ZNF805: variants seen among roughly 807,000 people sequenced by gnomAD.
ZNF805 encodes zinc finger protein 805.
A neutral mutation model predicts 13.6 loss-of-function variants in ZNF805; 7 were observed. The ratio of observed to expected loss-of-function variants is 0.51; its 90% CI spans 0.29 to 0.97. The LOEUF is 0.97. Ranked by LOEUF, ZNF805 falls within the 50% of genes least tolerant of loss-of-function variation. The pLI is 0.08. For missense variants in ZNF805, 604 were observed against 771.0 expected, an observed-to-expected ratio of 0.78 and a Z score of 2.57; for synonymous variants, 293 against 279.8, an observed-to-expected ratio of 1.05 and a Z score of -0.47.
chr19:57,245,762 G>C (rs986392392), intron 2 of ZNF805, among the ~76,000 whole-genome samples: 10 of 151,042 alleles, frequency 6.6e-5, no homozygotes, highest in Admixed American at 2.6e-4. Context: ...CTGGGCGACA[G>C]AGCGAGACTC....
At position 57,256,716 on chromosome 19, in the gene ZNF805, CAT is replaced by C. The variant is rs1189209581; in HGVS notation, c.*2016_*2017del. Among the ~76,000 whole-genome samples, 1 of 152,076 alleles carries C rather than the reference CAT, an allele frequency of 6.6e-6. No homozygotes were observed. Among genetic ancestry groups the C allele is most frequent in the Non-Finnish European group, 1.5e-5 (1 of 67,988 alleles). On this transcript the variant is annotated 3_prime_UTR_variant, in exon 4 of 4. Transcript: ENST00000414468. ...ACTTATTATTGTCAGTCTTTGTAGA[CAT>C]ATGTCAATTTCATTGATCATTTCAA...
At position 57,253,320 on chromosome 19, in the gene ZNF805, G is replaced by A; in HGVS notation, c.501G>A (p.Val167=). Residue 167 remains valine (V), a synonymous_variant, in exon 4 of 4, where the codon GTG becomes GTA. Coordinates refer to ENST00000414468, the MANE Select transcript of ZNF805 (RefSeq NM_001023563.4). The surrounding 1 kb of genome is among the most constrained non-coding windows in gnomAD (Gnocchi z 4.4). The part of the protein sequence containing the change: ...KHDGLGTADS[V]CSRIIQDRVS... ...ATGGTTTAGGGACAGCTGATAGTGT[G>A]TGTTCAAGGATTATACAGGATCGAG... is the stretch of plus-strand genomic sequence containing the variant. The A allele has an allele frequency of 6.3e-7, 1 of 1,575,614 alleles. No homozygotes were observed. The highest frequency in any genetic ancestry group is 8.6e-7 in the Non-Finnish European group (1 of 1,159,392).
chr19:57,254,828 T>G lies in ZNF805; in HGVS notation c.*125T>G, dbSNP rs2087677695. ...AAACACCCAGTGGTTATTACGCACT[T>G]GGGAAAACCTTTAGCTCCATCTTTC... On this transcript the variant is annotated 3_prime_UTR_variant, in exon 4 of 4. Transcript: ENST00000414468. 2 of 981,806 alleles carry G rather than the reference T, an allele frequency of 2.0e-6. No individual in the cohort carries two copies. Among genetic ancestry groups the G allele is most frequent in the Non-Finnish European group, 1.5e-6 (1 of 671,662 alleles). The allele number at this position is 981,806 out of a possible 1,614,324, so 60.8% of individuals were successfully genotyped here.
In ZNF805 at chr19:57,253,675, C is replaced by G; in HGVS notation, c.856C>G (p.Pro286Ala). The change falls in exon 4 of 4, where the codon CCT (proline) becomes GCT (alanine). Residue 286 changes from proline to alanine, a missense_variant. Physicochemically the swap from Pro to Ala is conservative, Grantham distance 27. Transcript: ENST00000414468. The surrounding 1 kb of genome is among the most constrained non-coding windows in gnomAD (Gnocchi z 4.4). ...QHQRIHSGEK[P>A]YKCSECGKAF... ...CCAGCGGATTCACAGTGGAGAGAAG[C>G]CTTATAAGTGCAGTGAATGTGGAAA... 6.2e-7 allele frequency: 1 copy of G among 1,613,894 alleles called. No individual in the cohort carries two copies. Among genetic ancestry groups the G allele is most frequent in the Non-Finnish European group, 8.5e-7 (1 of 1,179,976 alleles).
chr19:57,253,573 G>A lies in ZNF805; in HGVS notation c.754G>A (p.Val252Ile), dbSNP rs1248505824. The A allele has an allele frequency of 3.1e-6, 5 of 1,613,898 alleles. No individual in the cohort carries two copies. The highest frequency in any genetic ancestry group is 1.1e-5 in the South Asian group (1 of 91,084). ...KSTYLLQHHM[V>I]HTGEKPYKCM... ...TACATACCTCCTGCAGCACCACATG[G>A]TCCACACTGGGGAGAAGCCCTATAA... Residue 252 changes from valine (V) to isoleucine (I), a missense_variant, in exon 4 of 4, where the codon GTC (valine) becomes ATC (isoleucine). Around this residue, in one of 3 missense-constraint regions of ZNF805, gnomAD observed 327 missense variants for 378.2 expected, o/e 0.86. Transcript: ENST00000414468. The surrounding 1 kb of genome is among the most constrained non-coding windows in gnomAD (Gnocchi z 4.4).
In ZNF805 at chr19:57,244,250, C is replaced by G. The variant is rs8109882; in HGVS notation, c.157+201C>G. ...AGGGAGTCTTACTCTGTCACCCAGGCTGGATGCATTAGCACGAACTCGGGT... is the reference window on the plus strand; with the variant it reads ...AGGGAGTCTTACTCTGTCACCCAGGGTGGATGCATTAGCACGAACTCGGGT... On this transcript the variant is annotated intron_variant, in intron 2 of 3. Transcript: ENST00000414468. 0.47 allele frequency among the ~76,000 whole-genome samples: 65,412 copies of G among 138,594 alleles called. 15,781 individuals carry two copies. Among genetic ancestry groups the G allele is most frequent in the Non-Finnish European group, 0.53 (34,907 of 66,036 alleles). The allele number at this position is 138,594 out of a possible 152,430, so 90.9% of individuals were successfully genotyped here. A position where few individuals can be genotyped will look rare whatever the true frequency, so the allele number is the denominator to read the frequency against.
chr19:57,254,257 G>A lies in ZNF805; in HGVS notation c.1438G>A (p.Glu480Lys), dbSNP rs2087672191. The change falls in exon 4 of 4, where the codon GAG becomes AAG. Residue 480 changes from glutamate to lysine, a missense_variant. Around this residue, in one of 3 missense-constraint regions of ZNF805, gnomAD observed 228 missense variants for 352.8 expected, o/e 0.65. Transcript: ENST00000414468. ...TCGCCACTTCAGCATCCACACTGGA[G>A]AGAAGCCCTATGAGTGCATGGAGTG... ...LIRHFSIHTG[E>K]KPYECMECGK... 6.2e-7 allele frequency: 1 copy of A among 1,614,044 alleles called. No individual in the cohort carries two copies.
intron 2 of ZNF805, among the ~76,000 whole-genome samples, chr19:57,246,774 CAAAAAAAAA>C (rs1168593434): frequency 1.3e-4 from 11 of 86,250 alleles, no homozygotes; most frequent in Admixed American, 1.2e-4. Flanking sequence ...GACTTCGTCT[CAAAAAAAAA>C]AAAAAAAAAA....
In ZNF805 at chr19:57,259,362, C is replaced by A. The variant is rs1161672368; in HGVS notation, c.*4659C>A. ...TTCTGGTCTATTTTTCCCTTTTTTT[C>A]ATATTGGTTAATTTCTGTTGACTTT... On this transcript the variant is annotated 3_prime_UTR_variant, in exon 4 of 4. Coordinates refer to ENST00000414468, the MANE Select transcript of ZNF805 (RefSeq NM_001023563.4). Among the ~76,000 whole-genome samples the A allele has an allele frequency of 6.6e-6, 1 of 151,644 alleles. No individual in the cohort carries two copies. Among genetic ancestry groups the A allele is most frequent in the Non-Finnish European group, 1.5e-5 (1 of 67,908 alleles).
chr19:57,253,910 C>T lies in ZNF805; in HGVS notation c.1091C>T (p.Thr364Ile), dbSNP rs750573776. The change falls in exon 4 of 4, where the codon ACT becomes ATT. Residue 364 changes from threonine to isoleucine, a missense_variant. Transcript: ENST00000414468. This position sits in a 1 kb window ranked among gnomAD's most constrained non-coding sequence, Gnocchi z 4.4. ...TCATACCTCATGTGGCACCAGCAGA[C>T]TCATACCGGGGAGAAGCCCTATGAG... ...HRSYLMWHQQTHTGEKPYECS... is the reference protein window; with the variant it reads ...HRSYLMWHQQIHTGEKPYECS... 8.7e-6 allele frequency: 14 copies of T among 1,613,806 alleles called. No individual in the cohort carries two copies. Among genetic ancestry groups the T allele is most frequent in the Admixed American group, 3.3e-5 (2 of 59,984 alleles).
At chr19:57,244,144 C>G (rs1273498122) in intron 2 of ZNF805, 95 bp downstream of exon 2, 3 of 1,449,816 alleles carry the variant, frequency 2.1e-6, no homozygotes, top group Admixed American at 2.5e-5. Flanking sequence ...TCCTCTCTTA[C>G]TGGCCTTGCC....
chr19:57,254,683 C>A lies in ZNF805; in HGVS notation c.1864C>A (p.Pro622Thr), dbSNP rs1188041533. 1.2e-6 allele frequency: 2 copies of A among 1,610,764 alleles called. No homozygotes were observed. Among genetic ancestry groups the A allele is most frequent in the African/African-American group, 1.3e-5 (1 of 74,696 alleles). The change falls in exon 4 of 4, where the codon CCA becomes ACA. Residue 622 changes from proline (P) to threonine (T), a missense_variant. Transcript: ENST00000414468. ...ASDRTYQRET[P>T]QVSSL ...TGATCGTACATACCAAAGAGAAACC[C>A]CACAAGTGTCTTCACTGTGAGAAAA...
In ZNF805 at chr19:57,255,451, A is replaced by T. The variant is rs1222167108; in HGVS notation, c.*748A>T. ...TTAAATCTATAGATCAATGTGTTGGAAATTGGCATCTTAGTCTTCCAATTC... is the reference window on the plus strand; with the variant it reads ...TTAAATCTATAGATCAATGTGTTGGTAATTGGCATCTTAGTCTTCCAATTC... On this transcript the variant is annotated 3_prime_UTR_variant, in exon 4 of 4. Transcript: ENST00000414468. Among the ~76,000 whole-genome samples the T allele has an allele frequency of 2.6e-5, 4 of 152,144 alleles. No homozygotes were observed. Among genetic ancestry groups the T allele is most frequent in the Non-Finnish European group, 5.9e-5 (4 of 67,998 alleles).
Position 57,256,803 on chromosome 19 carries a change from T to C in ZNF805, c.*2100T>C, listed in dbSNP as rs912957528. ...GTCTCTGTTCTTAATTTCACTGATA[T>C]CTGCTCTGATGTGTATTGTATCCTT... is the stretch of plus-strand genomic sequence containing the variant. On this transcript the variant is annotated 3_prime_UTR_variant, in exon 4 of 4. Coordinates refer to ENST00000414468, the MANE Select transcript of ZNF805 (RefSeq NM_001023563.4). 7.2e-5 allele frequency among the ~76,000 whole-genome samples: 11 copies of C among 152,298 alleles called. No individual in the cohort carries two copies. The highest frequency in any genetic ancestry group is 3.9e-4 in the East Asian group (2 of 5,184).
rs888182199 is a variant in ZNF805, at chr19:57,257,795, C to T, written c.*3092C>T. The stretch of plus-strand genomic sequence containing the variant: ...GATCTCCGCTCACTGCAACCTCCGC[C>T]TCCTGGGTTCAAGTGATTCTCCTGC... On this transcript the variant is annotated 3_prime_UTR_variant, in exon 4 of 4. Coordinates refer to ENST00000414468, the MANE Select transcript of ZNF805 (RefSeq NM_001023563.4). Among the ~76,000 whole-genome samples the T allele has an allele frequency of 2.7e-5, 4 of 147,190 alleles. No individual in the cohort carries two copies. The highest frequency in any genetic ancestry group is 5.0e-5 in the African/African-American group (2 of 39,708).
chr19:57,241,004 C>T (rs2122822024), intron 1 of ZNF805, 83 bp downstream of exon 1: 1 of 1,423,608 alleles, frequency 7.0e-7, no homozygotes. Flanking sequence ...AAGACAGCCA[C>T]AGGATTCCTC....
chr19:57,256,720 T>A lies in ZNF805; in HGVS notation c.*2017T>A, dbSNP rs2087689434. 6.6e-6 allele frequency among the ~76,000 whole-genome samples: 1 copy of A among 152,156 alleles called. No individual in the cohort carries two copies. The highest frequency in any genetic ancestry group is 1.5e-5 in the Non-Finnish European group (1 of 67,996). The stretch of plus-strand genomic sequence containing the variant: ...ATTATTGTCAGTCTTTGTAGACATA[T>A]GTCAATTTCATTGATCATTTCAAAG... On this transcript the variant is annotated 3_prime_UTR_variant, in exon 4 of 4. Coordinates refer to ENST00000414468, the MANE Select transcript of ZNF805 (RefSeq NM_001023563.4).
intron 2 of ZNF805, among the ~76,000 whole-genome samples, 158 bp downstream of exon 2, chr19:57,244,207 T>TC (rs1196752637): frequency 6.8e-6 from 1 of 146,586 alleles, no homozygotes; most frequent in Admixed American, 6.8e-5. Flanking sequence ...TCCTTTTTTT[T>TC]TTTTTTTTTT....
chr19:57,254,481 C>T lies in ZNF805; in HGVS notation c.1662C>T (p.Leu554=), dbSNP rs1483221240. The T allele has an allele frequency of 1.2e-6, 2 of 1,614,208 alleles. No homozygotes were observed. Among genetic ancestry groups the T allele is most frequent in the Non-Finnish European group, 1.7e-6 (2 of 1,180,024 alleles). ...CGKAFSRSSS[L]TQHQRMHTGR... is the part of the protein sequence containing the mutation. ...AGGCCTTCAGTCGCAGCTCGTCCCT[C>T]ACTCAGCATCAAAGGATGCATACTG... Residue 554 remains leucine, a synonymous_variant, in exon 4 of 4, where the codon CTC becomes CTT. Coordinates refer to ENST00000414468, the MANE Select transcript of ZNF805 (RefSeq NM_001023563.4).
Sources: gnomAD v4.1 joint callset for allele counts (sites outside exome capture counted in the v4.1 genomes callset) on GRCh38, gnomAD v4.1.1 for gene constraint, gnomAD v4.1.1 regional missense constraint, Gnocchi (gnomAD v3.1) non-coding constraint, MANE v1.5 for transcripts, NCBI Gene and HGNC (gene_info 2026-07-23, HGNC 2026-07-21) for gene names.